The following SLC25A33 variants were observed in gnomAD, a reference collection of about 807,000 sequenced individuals.
SLC25A33 encodes the protein bone marrow stromal cell mitochondrial carrier protein.
A neutral mutation model predicts 35.5 loss-of-function variants in SLC25A33; 15 were observed. The observed-to-expected ratio is 0.42, with a 90% confidence interval of 0.28 to 0.65. The LOEUF (loss-of-function observed/expected upper bound fraction) is 0.65, where lower values mean the gene tolerates loss of function less well. SLC25A33 is among the 30% of genes least tolerant of loss of function. The pLI is 0.20. For synonymous variants in SLC25A33, 136 were observed against 148.7 expected (o/e 0.91, Z 0.62); for missense variants, 257 against 398.5 (o/e 0.64, Z 3.02).
chr1:9,571,679 C>T (rs759298285), intron 4 of SLC25A33, among the ~76,000 whole-genome samples: 6 of 151,636 alleles, frequency 4.0e-5, no homozygotes, highest in Non-Finnish European at 8.8e-5. Context: ...GCTGTGTCAC[C>T]TAGGCTGGAG....
At chr1:9,547,526 C>G (rs1489722620) in intron 1 of SLC25A33, among the ~76,000 whole-genome samples, 2 of 151,930 alleles carry the variant, frequency 1.3e-5, no homozygotes, top group African/African-American at 2.4e-5. Context: ...AGGCAACCAG[C>G]AGTGCCACCA....
rs1643570709 is a variant in SLC25A33, at chr1:9,570,294, G to C, written c.351G>C (p.Glu117Asp). The change falls in exon 4 of 7, where the codon GAG (glutamate) becomes GAC (aspartate). Residue 117 changes from glutamate (E) to aspartate (D), a missense_variant. Glu to Asp is a conservative substitution (Grantham distance 45). Coordinates refer to ENST00000302692, the MANE Select transcript of SLC25A33 (RefSeq NM_032315.3). ...TTGCATGTTACTCCAAAGCCAAAGA[G>C]CAATTTAATGGCATTTTCGTGCCTA... ...VYFACYSKAK[E>D]QFNGIFVPNS... The C allele has an allele frequency of 4.3e-6, 7 of 1,614,074 alleles. No homozygotes were observed. The highest frequency in any genetic ancestry group is 5.9e-6 in the Non-Finnish European group (7 of 1,179,992).
Position 9,573,330 on chromosome 1 carries a change from T to G in SLC25A33, c.416-16T>G, listed in dbSNP as rs199779657. 54 of 838,098 alleles carry G rather than the reference T, an allele frequency of 6.4e-5. No individual in the cohort carries two copies. Among genetic ancestry groups the G allele is most frequent in the Non-Finnish European group, 8.3e-5 (51 of 615,046 alleles). 51.9% of individuals were successfully genotyped at this position (838,098 alleles called of 1,614,324 possible). A position where few individuals can be genotyped will look rare whatever the true frequency, so the allele number is the denominator to read the frequency against. On this transcript the variant is annotated splice_polypyrimidine_tract_variant and intron_variant, in intron 4 of 6. Transcript: ENST00000302692. Reference sequence around the variant, plus strand: ...CTATGTACAGTGTTGACCTTTACTGTTTTTTTTTTTTCCAGCTTTTATCAC... The same window carrying G: ...CTATGTACAGTGTTGACCTTTACTGGTTTTTTTTTTTCCAGCTTTTATCAC...
At chr1:9,540,118 C>G (rs993879240) in intron 1 of SLC25A33, among the ~76,000 whole-genome samples, 4 of 152,180 alleles carry the variant, frequency 2.6e-5, no homozygotes, top group African/African-American at 9.6e-5. Flanking sequence ...TGGGGCCTCT[C>G]CCGAAGCGCA....
chr1:9,573,310 T>C, intron 4 of SLC25A33, 36 bp from the exon 5 acceptor site: 1 of 1,445,388 alleles, frequency 6.9e-7, no homozygotes, highest in Non-Finnish European at 9.6e-7. Flanking sequence ...ATGGACTATG[T>C]ACAGTGTTGA....
intron 2 of SLC25A33, among the ~76,000 whole-genome samples, chr1:9,557,007 C>T (rs539544258): frequency 9.8e-5 from 15 of 152,312 alleles, no homozygotes; most frequent in East Asian, 3.9e-4. Flanking sequence ...GGCGTGATCT[C>T]GGCACAACCT....
chr1:9,553,957 C>A, intron 2 of SLC25A33, 152 bp downstream of exon 2: 1 of 922,934 alleles, frequency 1.1e-6, no homozygotes, highest in Non-Finnish European at 1.6e-6. Flanking sequence ...TACCTTTGAG[C>A]TCTGACCTTG....
At chr1:9,564,756 A>ATATATATATATATATATATATATG in intron 2 of SLC25A33, among the ~76,000 whole-genome samples, 1 of 139,206 alleles carries the variant, frequency 7.2e-6, no homozygotes, top group East Asian at 2.2e-4. Context: ...ATATATATAT[A>ATATATATATATATATATATATATG]TATATATATA....
In SLC25A33 at chr1:9,560,988, C is replaced by T. The variant is rs1167699422; in HGVS notation, c.237-6296C>T. 3.4e-5 allele frequency among the ~76,000 whole-genome samples: 5 copies of T among 145,876 alleles called. No homozygotes were observed. In the East Asian group the frequency reaches 6.0e-4, roughly 17 times the overall value. ...TTTTTGAGGCAGAGTCTTGCTCTGTCGCCCAGGCTGGAGTGCAGTGGCACC... is the reference window on the plus strand; with the variant it reads ...TTTTTGAGGCAGAGTCTTGCTCTGTTGCCCAGGCTGGAGTGCAGTGGCACC... On this transcript the variant is annotated intron_variant, in intron 2 of 6. Coordinates refer to ENST00000302692, the MANE Select transcript of SLC25A33 (RefSeq NM_032315.3).
At chr1:9,553,157 G>A (rs1406071481) in intron 1 of SLC25A33, among the ~76,000 whole-genome samples, 2 of 107,204 alleles carry the variant, frequency 1.9e-5, no homozygotes, top group African/African-American at 7.1e-5. Flanking sequence ...CTCCCAAAGT[G>A]CTGAGGTTCA....
At chr1:9,550,143 G>C (rs1369076551) in intron 1 of SLC25A33, among the ~76,000 whole-genome samples, 1 of 146,016 alleles carries the variant, frequency 6.8e-6, no homozygotes, top group African/African-American at 2.5e-5. Context: ...TGGGACTACA[G>C]GTGTACACCA....
rs899304825 is a variant in SLC25A33, at chr1:9,582,066, C to T, written c.764-233C>T. On this transcript the variant is annotated intron_variant, in intron 6 of 6. Coordinates refer to ENST00000302692, the MANE Select transcript of SLC25A33 (RefSeq NM_032315.3). The surrounding 1 kb of genome is among the most constrained non-coding windows in gnomAD (Gnocchi z 4.0). ...AGCCACTCTAGTAGTAGGCGTGCAC[C>T]ACCTTGCCTGGCTAATTTTTGTTTT... 6.6e-6 allele frequency among the ~76,000 whole-genome samples: 1 copy of T among 152,086 alleles called. No homozygotes were observed. Among genetic ancestry groups the T allele is most frequent in the South Asian group, 2.1e-4 (1 of 4,820 alleles).
intron 6 of SLC25A33, among the ~76,000 whole-genome samples, chr1:9,580,799 T>C (rs1486519961): frequency 1.3e-5 from 2 of 150,334 alleles, no homozygotes; most frequent in Non-Finnish European, 3.0e-5. Flanking sequence ...GAGGTTGCAG[T>C]GAGCCGAGAT....
chr1:9,580,148 CTG>C lies in SLC25A33; in HGVS notation c.678_679del (p.Asn229PhefsTer15). On this transcript the variant is annotated frameshift_variant, in exon 6 of 7. Transcript: ENST00000302692. LOFTEE classifies it high-confidence loss of function. ...CCATTAGCCTCTTCTGCAAATGGGA[CTG>C]AGAAAAATTCCACAAGTTTTTTTGG... 2 of 1,610,184 alleles carry C rather than the reference CTG, an allele frequency of 1.2e-6. No individual in the cohort carries two copies. The highest frequency in any genetic ancestry group is 1.7e-6 in the Non-Finnish European group (2 of 1,178,518).
chr1:9,560,595 T>TA (rs1643409737), intron 2 of SLC25A33, among the ~76,000 whole-genome samples: 1 of 152,170 alleles, frequency 6.6e-6, no homozygotes, highest in Admixed American at 6.5e-5. Context: ...TTAATAGTCT[T>TA]ACTCATTTGG....
intron 1 of SLC25A33, among the ~76,000 whole-genome samples, chr1:9,543,840 T>C (rs1391682666): frequency 6.6e-6 from 1 of 152,182 alleles, no homozygotes; most frequent in Non-Finnish European, 1.5e-5. Flanking sequence ...GTGTGGTGGC[T>C]CACGCCTGTA....
chr1:9,573,045 C>A (rs1643612557), intron 4 of SLC25A33, among the ~76,000 whole-genome samples: 2 of 152,158 alleles, frequency 1.3e-5, no homozygotes, highest in Admixed American at 6.5e-5. Context: ...AGGACAGTTA[C>A]AATTTTCAGT....
rs201307204 is a variant in SLC25A33, at chr1:9,582,332, C to G, written c.797C>G (p.Thr266Ser). 133 of 1,613,958 alleles carry G rather than the reference C, an allele frequency of 8.2e-5. 1 individual carries two copies. In the East Asian group the frequency reaches 2.3e-3, roughly 28 times the overall value. ...AGGACGAGGCTCCGGGAAGAGGGCA[C>G]CAAGTACAAGTCTTTTGTCCAGACG... ...VIRTRLREEG[T>S]KYKSFVQTAR... The change falls in exon 7 of 7, where the codon ACC becomes AGC. Residue 266 changes from threonine to serine, a missense_variant. Transcript: ENST00000302692. The surrounding 1 kb of genome is among the most constrained non-coding windows in gnomAD (Gnocchi z 4.0).
chr1:9,564,592 A>G (rs1010462402), intron 2 of SLC25A33, among the ~76,000 whole-genome samples: 12 of 151,962 alleles, frequency 7.9e-5, no homozygotes, highest in Non-Finnish European at 1.3e-4. Context: ...GCCTTTAAAA[A>G]AAAGGAAATT....
Sources: gnomAD v4.1 joint callset for allele counts (sites outside exome capture counted in the v4.1 genomes callset) on GRCh38, gnomAD v4.1.1 for gene constraint, Gnocchi (gnomAD v3.1) non-coding constraint, MANE v1.5 for transcripts, NCBI Gene and HGNC (gene_info 2026-07-23, HGNC 2026-07-21) for gene names.